Variants in APC observed in about 807,000 individuals in gnomAD.
The protein encoded by APC is APC regulator of Wnt signaling pathway, also known as adenomatous polyposis coli protein.
A neutral mutation model predicts 247.0 loss-of-function variants in APC; 72 were observed. The ratio of observed to expected loss-of-function variants is 0.29; its 90% CI spans 0.24 to 0.35. The LOEUF is 0.35. Among genes scored for constraint, APC ranks in the 10% least tolerant of loss-of-function variants. The pLI, the probability that APC is intolerant of heterozygous loss-of-function variation, is 1.00. For missense variants in APC, 3,400 were observed against 3,360.7 expected, an observed-to-expected ratio of 1.01 and a Z score of -0.29; for synonymous variants, 1,254 against 1,162.5, an observed-to-expected ratio of 1.08 and a Z score of -1.60.
chr5:112,767,024 A>G (rs1355018243), intron 3 of APC, among the ~76,000 whole-genome samples, 165 bp from the exon 4 acceptor site: 1 of 152,218 alleles, frequency 6.6e-6, no homozygotes, highest in Non-Finnish European at 1.5e-5. Flanking sequence ...ACCCTGACCC[A>G]AGTGGACTTT....
In APC at chr5:112,838,474, A is replaced by G. The variant is rs1339795148; in HGVS notation, c.2880A>G (p.Ser960=). 6.2e-7 allele frequency: 1 copy of G among 1,614,226 alleles called. No homozygotes were observed. Among genetic ancestry groups the G allele is most frequent in the East Asian group, 2.2e-5 (1 of 44,884 alleles). The part of the protein sequence containing the change: ...PYAKLEYKRS[S]NDSLNSVSSS... ...CCAAATTAGAATACAAGAGATCTTC[A>G]AATGATAGTTTAAATAGTGTCAGTA... The change falls in exon 16 of 16, where the codon TCA becomes TCG. Residue 960 remains serine, a synonymous_variant. Transcript: ENST00000257430.
chr5:112,762,505 T>C (rs959263743), intron 2 of APC, among the ~76,000 whole-genome samples: 3 of 152,154 alleles, frequency 2.0e-5, no homozygotes, highest in Non-Finnish European at 4.4e-5. Context: ...CTACATACTA[T>C]ACAACATTTA....
At chr5:112,764,872 A>G (rs1268990487) in intron 2 of APC, among the ~76,000 whole-genome samples, 1 of 152,228 alleles carries the variant, frequency 6.6e-6, no homozygotes, top group African/African-American at 2.4e-5. Flanking sequence ...TGAAGTTTAT[A>G]GTAGACATTT....
At chr5:112,757,319 A>G (rs1235832150) in intron 2 of APC, among the ~76,000 whole-genome samples, 2 of 152,124 alleles carry the variant, frequency 1.3e-5, no homozygotes, top group Non-Finnish European at 2.9e-5. Flanking sequence ...GGCACTTCCT[A>G]CTGTGGATTA....
In APC at chr5:112,843,614, T is replaced by C. The variant is rs1766624875; in HGVS notation, c.8020T>C (p.Ser2674Pro). Residue 2674 changes from serine (S) to proline (P), a missense_variant, in exon 16 of 16, where the codon TCT becomes CCT. Ser to Pro is a moderately conservative substitution (Grantham distance 74). Transcript: ENST00000257430. This position sits in a 1 kb window ranked among gnomAD's most constrained non-coding sequence, Gnocchi z 4.8. The stretch of plus-strand genomic sequence containing the variant: ...CATTAACAATCCTAGATCTGGAAGA[T>C]CTCCCACAGGTAATACTCCCCCGGT... ...CPINNPRSGR[S>P]PTGNTPPVID... The C allele has an allele frequency of 6.2e-7, 1 of 1,613,882 alleles. No homozygotes were observed.
At chr5:112,714,231 A>G (rs974047429) in intron 1 of APC, among the ~76,000 whole-genome samples, 1 of 152,188 alleles carries the variant, frequency 6.6e-6, no homozygotes, top group Non-Finnish European at 1.5e-5. Flanking sequence ...GCGAGGTACT[A>G]CTCATAATTA....
At chr5:112,738,665 G>T (rs1258731316) in intron 1 of APC, among the ~76,000 whole-genome samples, 1 of 152,204 alleles carries the variant, frequency 6.6e-6, no homozygotes, top group East Asian at 1.9e-4. Context: ...AGGCCGAAAA[G>T]ACAACTGCAG....
intron 7 of APC, among the ~76,000 whole-genome samples, chr5:112,796,909 CA>C (rs1293403079): frequency 6.6e-6 from 1 of 152,042 alleles, no homozygotes; most frequent in Admixed American, 6.5e-5. Context: ...TCAATAGTCA[CA>C]TTTTTTTCTA....
At chr5:112,781,003 A>G (rs141562436) in intron 6 of APC, 100 bp downstream of exon 6, 83 of 838,078 alleles carry the variant, frequency 9.9e-5, no homozygotes, top group Non-Finnish European at 1.5e-4. Flanking sequence ...TAAAGACATA[A>G]GGCTGTGTTT....
At chr5:112,777,079 A>G (rs990287542) in intron 5 of APC, among the ~76,000 whole-genome samples, 2 of 152,346 alleles carry the variant, frequency 1.3e-5, no homozygotes, top group African/African-American at 4.8e-5. Flanking sequence ...AAATTGTCCA[A>G]TTAAAATCAT....
rs118010540 is a variant in APC at position 112,825,314 on chromosome 5, G to A, written c.1409-1794G>A. Among the ~76,000 whole-genome samples the A allele has an allele frequency of 1.6e-3, 238 of 152,260 alleles. 5 individuals carry two copies. In the East Asian group the frequency reaches 0.042, roughly 27 times the overall value. On this transcript the variant is annotated intron_variant, in intron 11 of 15. Transcript: ENST00000257430. ...ACTTCTCTTCCCATTTCCACTCATA[G>A]TCGATTTTGTTCACTGAAACCATAG...
intron 8 of APC, among the ~76,000 whole-genome samples, chr5:112,811,279 A>G (rs1177404120): frequency 1.3e-5 from 2 of 152,214 alleles, no homozygotes; most frequent in Non-Finnish European, 1.5e-5. Flanking sequence ...GGGATGTGCA[A>G]TCATGACTGA....
chr5:112,719,542 T>A (rs1314371986), intron 1 of APC, among the ~76,000 whole-genome samples: 1 of 128,716 alleles, frequency 7.8e-6, no homozygotes, highest in Admixed American at 7.6e-5. Context: ...ATAATAATTC[T>A]TTTTTTTTTT....
chr5:112,738,915 T>G (rs1007293553), intron 1 of APC, among the ~76,000 whole-genome samples: 3 of 152,246 alleles, frequency 2.0e-5, no homozygotes, highest in African/African-American at 7.2e-5. Flanking sequence ...AAATTATGTA[T>G]GAAACAGTGG....
At chr5:112,714,753 A>T (rs11960936) in intron 1 of APC, among the ~76,000 whole-genome samples, 3 of 152,152 alleles carry the variant, frequency 2.0e-5, no homozygotes, top group African/African-American at 7.2e-5. Context: ...TATCTCTTCT[A>T]TCATGCTTCA....
intron 8 of APC, among the ~76,000 whole-genome samples, chr5:112,809,197 C>CA (rs542569641): frequency 0.064 from 8,035 of 126,156 alleles, 520 homozygotes; most frequent in African/African-American, 0.17. Context: ...ACAAAAAATA[C>CA]AAAAAAAAAA....
intron 2 of APC, among the ~76,000 whole-genome samples, chr5:112,759,837 A>AT (rs547916787): frequency 9.9e-5 from 15 of 151,338 alleles, no homozygotes; most frequent in South Asian, 2.1e-4. Flanking sequence ...TTTTTGAAAC[A>AT]TTTTTTTTTG....
intron 5 of APC, among the ~76,000 whole-genome samples, chr5:112,779,604 T>C (rs990958361): frequency 6.6e-6 from 1 of 152,248 alleles, no homozygotes; most frequent in African/African-American, 2.4e-5. Context: ...TACCTACTTA[T>C]CAAAACATTA....
Position 112,828,873 on chromosome 5 carries a change from G to T in APC, c.1644G>T (p.Leu548Phe). The T allele has an allele frequency of 6.2e-7, 1 of 1,613,074 alleles. No homozygotes were observed. Among genetic ancestry groups the T allele is most frequent in the Non-Finnish European group, 8.5e-7 (1 of 1,179,150 alleles). ...ATTTGCAGGTTATTGCGAGTGTTTT[G>T]AGGAATTTGTCTTGGCGAGCAGATG... Reference protein sequence around the residue: ...EDLQQVIASVLRNLSWRADVN... With the variant: ...EDLQQVIASVFRNLSWRADVN... The change falls in exon 14 of 16, where the codon TTG becomes TTT. Residue 548 changes from leucine (L) to phenylalanine (F), a missense_variant. This residue lies in a region of APC where 184 missense variants were observed against 248.0 expected (regional missense o/e 0.74). Coordinates refer to ENST00000257430, the MANE Select transcript of APC (RefSeq NM_000038.6).
Sources: gnomAD v4.1 joint callset for allele counts (sites outside exome capture counted in the v4.1 genomes callset) on GRCh38, gnomAD v4.1.1 for gene constraint, gnomAD v4.1.1 regional missense constraint, Gnocchi (gnomAD v3.1) non-coding constraint, MANE v1.5 for transcripts, NCBI Gene and HGNC (gene_info 2026-07-23, HGNC 2026-07-21) for gene names.